The following KCTD15 variants were observed in gnomAD, a reference collection of about 807,000 sequenced individuals.
KCTD15 encodes the protein potassium channel tetramerization domain containing 15, also known as BTB/POZ domain-containing protein KCTD15.
A neutral mutation model predicts 27.2 loss-of-function variants in KCTD15; 11 were observed. That is an observed-to-expected ratio of 0.41 (90% confidence interval 0.25 to 0.67). The LOEUF is 0.67. Ranked by LOEUF, KCTD15 falls within the 30% of genes least tolerant of loss-of-function variation. The pLI, the probability that KCTD15 is intolerant of heterozygous loss-of-function variation, is 0.35. For missense variants in KCTD15, 350 were observed against 409.3 expected (o/e 0.86, Z 1.25); for synonymous variants, 163 against 176.0 (o/e 0.93, Z 0.58).
At chr19:33,809,560 T>G (rs1211336831) in intron 5 of KCTD15, among the ~76,000 whole-genome samples, 1 of 152,056 alleles carries the variant, frequency 6.6e-6, no homozygotes, top group Non-Finnish European at 1.5e-5. Flanking sequence ...TTGTCTGTCA[T>G]GCAGTTGTCA....
chr19:33,803,286 G>A (rs551353976), intron 4 of KCTD15, among the ~76,000 whole-genome samples: 9 of 152,364 alleles, frequency 5.9e-5, no homozygotes, highest in African/African-American at 1.7e-4. Context: ...TCAGGCAGCT[G>A]TGCTGGCAAG....
intron 5 of KCTD15, among the ~76,000 whole-genome samples, chr19:33,807,398 G>A (rs1222589405): frequency 6.6e-6 from 1 of 152,000 alleles, no homozygotes; most frequent in Non-Finnish European, 1.5e-5. Flanking sequence ...GACCAACTTG[G>A]CCAACTTGAT....
At position 33,812,948 on chromosome 19, in the gene KCTD15, G is replaced by T; in HGVS notation, c.852G>T (p.Ter284TyrextTer67). ...AVRIKQEPLD[*>Y] ...GAATCAAGCAGGAACCCCTGGACTA[G>T]GCCCTGCTTCAGTGCCCACCTGGGC... Residue 284 changes from the stop codon to tyrosine, a stop_lost, in exon 7 of 7, where the codon TAG becomes TAT. Transcript: ENST00000683859. 1.3e-6 allele frequency: 2 copies of T among 1,544,350 alleles called. No homozygotes were observed. The highest frequency in any genetic ancestry group is 1.7e-6 in the Non-Finnish European group (2 of 1,145,280).
chr19:33,794,174 CACTT>C (rs1975259336), upstream of KCTD15, among the ~76,000 whole-genome samples: 2 of 152,214 alleles, frequency 1.3e-5, no homozygotes, highest in African/African-American at 4.8e-5. Flanking sequence ...TAAACAATGA[CACTT>C]AGTAGCTCTG....
upstream of KCTD15, among the ~76,000 whole-genome samples, chr19:33,794,752 T>C (rs1007656457): frequency 2.6e-5 from 4 of 152,256 alleles, no homozygotes; most frequent in Non-Finnish European, 5.9e-5. Flanking sequence ...ATTTGAATAC[T>C]TGCTTCACTT....
intron 1 of KCTD15, chr19:33,798,291 G>C (rs932756144): frequency 6.6e-6 from 1 of 152,196 alleles, no homozygotes; most frequent in Middle Eastern, 3.2e-3. Context: ...TTCAGAAGAA[G>C]CGATTTAGTG....
chr19:33,794,664 T>G (rs958068898), upstream of KCTD15, among the ~76,000 whole-genome samples: 1 of 152,178 alleles, frequency 6.6e-6, no homozygotes, highest in Non-Finnish European at 1.5e-5. Context: ...GTCCATGAAG[T>G]TGGGGGCACC....
At chr19:33,812,091 T>G in intron 6 of KCTD15, 1 of 1,329,228 alleles carries the variant, frequency 7.5e-7, no homozygotes, top group Non-Finnish European at 9.6e-7. Context: ...TTGGCACATT[T>G]CCGGGTTAGG....
intron 2 of KCTD15, among the ~76,000 whole-genome samples, chr19:33,799,122 T>C (rs1975447143): frequency 6.6e-6 from 1 of 152,182 alleles, no homozygotes. Context: ...CAGTGGATTC[T>C]GAGTCCACAG....
At chr19:33,800,704 T>TA (rs1316572004) in intron 3 of KCTD15, among the ~76,000 whole-genome samples, 184 bp downstream of exon 3, 2 of 152,220 alleles carry the variant, frequency 1.3e-5, no homozygotes, top group African/African-American at 4.8e-5. Context: ...ACTACATGTA[T>TA]AAAACTCAAC....
chr19:33,804,661 C>T (rs1279687149), intron 4 of KCTD15, among the ~76,000 whole-genome samples: 1 of 152,200 alleles, frequency 6.6e-6, no homozygotes, highest in Non-Finnish European at 1.5e-5. Flanking sequence ...GCTGGGTGGC[C>T]CTCACTCTGA....
intron 3 of KCTD15, 128 bp from the exon 4 acceptor site, chr19:33,801,039 C>T (rs1975521309): frequency 1.2e-6 from 1 of 828,358 alleles, no homozygotes; most frequent in East Asian, 2.6e-5. Context: ...TATGATCAGG[C>T]ACGGGCAGAA....
Position 33,813,105 on chromosome 19 carries a change from A to G in KCTD15, c.*157A>G, listed in dbSNP as rs547352968. 2 of 729,984 alleles carry G rather than the reference A, an allele frequency of 2.7e-6. No individual in the cohort carries two copies. The highest frequency in any genetic ancestry group is 3.5e-5 in the South Asian group (2 of 57,744). 45.2% of individuals were successfully genotyped at this position (729,984 alleles called of 1,614,324 possible). A position where few individuals can be genotyped will look rare whatever the true frequency, so the allele number is the denominator to read the frequency against. On this transcript the variant is annotated 3_prime_UTR_variant, in exon 7 of 7. Coordinates refer to ENST00000683859, the MANE Select transcript of KCTD15 (RefSeq NM_001129994.2). The stretch of plus-strand genomic sequence containing the variant: ...CACCAGGGTCCCAGGTGTCATGGCA[A>G]CAGAACGTGGGATGCTGGAGGCATG...
At chr19:33,797,941 C>T (rs1428347277) in intron 1 of KCTD15, among the ~76,000 whole-genome samples, 2 of 152,338 alleles carry the variant, frequency 1.3e-5, no homozygotes, top group South Asian at 2.1e-4. Flanking sequence ...TTTGTCCCCG[C>T]CCCGCCTCCG....
At position 33,813,343 on chromosome 19, in the gene KCTD15, G is replaced by A. The variant is rs1431126828; in HGVS notation, c.*395G>A. On this transcript the variant is annotated 3_prime_UTR_variant, in exon 7 of 7. Transcript: ENST00000683859. Reference sequence around the variant, plus strand: ...GACTCTGGCGGGTCTCCTAGCGTCCGAGAGATGGCTTATTTTCTACAGTAT... The same window carrying A: ...GACTCTGGCGGGTCTCCTAGCGTCCAAGAGATGGCTTATTTTCTACAGTAT... 9 of 448,228 alleles carry A rather than the reference G, an allele frequency of 2.0e-5. No individual in the cohort carries two copies. The highest frequency in any genetic ancestry group is 3.1e-4 in the Middle Eastern group (1 of 3,222). 27.8% of individuals were successfully genotyped at this position (448,228 alleles called of 1,614,324 possible).
At chr19:33,795,654 A>C (rs941184150), upstream of KCTD15, among the ~76,000 whole-genome samples, 5 of 151,866 alleles carry the variant, frequency 3.3e-5, no homozygotes, top group African/African-American at 4.8e-5. Context: ...GAGGAGGAGG[A>C]GGCACGGGCG....
Position 33,806,933 on chromosome 19 carries a change from C to G in KCTD15, c.313C>G (p.Arg105Gly). ...DSLKQHYFID[R>G]DGEIFRYVLS... The stretch of plus-strand genomic sequence containing the variant: ...TTTGAAGCAACATTATTTCATTGAC[C>G]GGGATGGGGAGATTTTCCGCTACGT... The change falls in exon 5 of 7, where the codon CGG (arginine) becomes GGG (glycine). Residue 105 changes from arginine to glycine, a missense_variant. This residue lies in a region of KCTD15 where 54 missense variants were observed against 101.8 expected (regional missense o/e 0.53). Transcript: ENST00000683859. The G allele has an allele frequency of 6.2e-7, 1 of 1,614,140 alleles. No individual in the cohort carries two copies.
chr19:33,800,597 GTCCT>G (rs1975502831), intron 3 of KCTD15, 77 bp downstream of exon 3: 2 of 1,324,886 alleles, frequency 1.5e-6, no homozygotes, highest in African/African-American at 2.9e-5. Flanking sequence ...TTTACTGGCT[GTCCT>G]TCCTTGGGAC....
Position 33,813,117 on chromosome 19 carries a change from A to G in KCTD15, c.*169A>G, listed in dbSNP as rs1475186038. 1 of 678,734 alleles carries G rather than the reference A, an allele frequency of 1.5e-6. No individual in the cohort carries two copies. Among genetic ancestry groups the G allele is most frequent in the Admixed American group, 2.5e-5 (1 of 40,336 alleles). 42.0% of individuals were successfully genotyped at this position (678,734 alleles called of 1,614,324 possible). A position where few individuals can be genotyped will look rare whatever the true frequency, so the allele number is the denominator to read the frequency against. On this transcript the variant is annotated 3_prime_UTR_variant, in exon 7 of 7. Transcript: ENST00000683859. The stretch of plus-strand genomic sequence containing the variant: ...AGGTGTCATGGCAACAGAACGTGGG[A>G]TGCTGGAGGCATGCCTGCAGAAGGA...
Sources: gnomAD v4.1 joint callset for allele counts (sites outside exome capture counted in the v4.1 genomes callset) on GRCh38, gnomAD v4.1.1 for gene constraint, gnomAD v4.1.1 regional missense constraint, MANE v1.5 for transcripts, NCBI Gene and HGNC (gene_info 2026-07-23, HGNC 2026-07-21) for gene names.